Variants in MTOR observed in about 807,000 individuals in gnomAD.
MTOR encodes mechanistic target of rapamycin kinase.
In MTOR, 70 loss-of-function variants were observed where a neutral mutation model predicts 319.8. That is an observed-to-expected ratio of 0.22 (90% CI 0.18 to 0.27). MTOR has a LOEUF of 0.27. Among genes scored for constraint, MTOR ranks in the 10% least tolerant of loss-of-function variants. The pLI is 1.00. For synonymous variants in MTOR, 1,183 were observed against 1,211.4 expected (o/e 0.98, Z 0.49); for missense variants, 1,890 against 3,274.4 (o/e 0.58, Z 10.32).
chr1:11,134,758 A>G (rs906153005), intron 36 of MTOR, among the ~76,000 whole-genome samples: 3 of 152,250 alleles, frequency 2.0e-5, no homozygotes, highest in African/African-American at 7.2e-5. Context: ...CCAAATAAAA[A>G]TTCCTACAAA....
intron 26 of MTOR, among the ~76,000 whole-genome samples, chr1:11,203,518 T>C (rs1213073922): frequency 6.6e-6 from 1 of 151,540 alleles, no homozygotes; most frequent in Non-Finnish European, 1.5e-5. Context: ...TTACTAAAAA[T>C]ACAAAATTAG....
Position 11,109,554 on chromosome 1 carries a change from T to C in MTOR, c.7447+95A>G. The stretch of plus-strand genomic sequence containing the variant: ...CCTTTTCTGCTCAAAGGCAGTTTTG[T>C]TGCTTCATCTTGTTGACCCCTCTCA... On this transcript the variant is annotated intron_variant, in intron 55 of 57. Transcript: ENST00000361445. This position sits in a 1 kb window ranked among gnomAD's most constrained non-coding sequence, Gnocchi z 4.0. The C allele has an allele frequency of 7.5e-7, 1 of 1,341,484 alleles. No homozygotes were observed. The highest frequency in any genetic ancestry group is 1.1e-6 in the Non-Finnish European group (1 of 941,068). 83.1% of individuals were successfully genotyped at this position (1,341,484 alleles called of 1,614,324 possible). A position where few individuals can be genotyped will look rare whatever the true frequency, so the allele number is the denominator to read the frequency against.
Position 11,212,918 on chromosome 1 carries a change from G to A in MTOR, c.3286-10C>T, listed in dbSNP as rs1376485532. 6.2e-7 allele frequency: 1 copy of A among 1,609,546 alleles called. No individual in the cohort carries two copies. The highest frequency in any genetic ancestry group is 1.3e-5 in the African/African-American group (1 of 74,816). ...GGATTGCAGCCAGTAACTGCAAAAG[G>A]GAGCAAAAGCATGGTGATGAATAGT... On this transcript the variant is annotated splice_polypyrimidine_tract_variant and intron_variant, in intron 21 of 57. Coordinates refer to ENST00000361445, the MANE Select transcript of MTOR (RefSeq NM_004958.4). The surrounding 1 kb of genome is among the most constrained non-coding windows in gnomAD (Gnocchi z 4.1).
At chr1:11,107,639 G>T in intron 57 of MTOR, 139 bp from the exon 58 acceptor site, 1 of 869,080 alleles carries the variant, frequency 1.2e-6, no homozygotes, top group Non-Finnish European at 1.7e-6. Context: ...AATTGCATGG[G>T]ACACACTCAT....
chr1:11,199,735 C>T lies in MTOR; in HGVS notation c.3945-32G>A. ...GCAGAGAAGGTGGAAAATGGAGAGACCTCCCGTGCCTCTGCCTGCTGCCTC... is the reference window on the plus strand; with the variant it reads ...GCAGAGAAGGTGGAAAATGGAGAGATCTCCCGTGCCTCTGCCTGCTGCCTC... On this transcript the variant is annotated intron_variant, in intron 26 of 57. Coordinates refer to ENST00000361445, the MANE Select transcript of MTOR (RefSeq NM_004958.4). The surrounding 1 kb of genome is among the most constrained non-coding windows in gnomAD (Gnocchi z 4.5). 1 of 1,609,798 alleles carries T rather than the reference C, an allele frequency of 6.2e-7. No homozygotes were observed.
chr1:11,160,662 G>A (rs1342995242), intron 29 of MTOR, among the ~76,000 whole-genome samples: 1 of 152,194 alleles, frequency 6.6e-6, no homozygotes, highest in Non-Finnish European at 1.5e-5. Flanking sequence ...CCACTTCATA[G>A]CATTGTTGTG....
intron 38 of MTOR, chr1:11,131,145 T>C (rs1370106591): frequency 7.7e-6 from 2 of 258,158 alleles, no homozygotes; most frequent in African/African-American, 4.5e-5. Context: ...TGGAAAGCTT[T>C]GTCAAGAAGA....
In MTOR at chr1:11,109,944, A is replaced by G. The variant is rs1485248957; in HGVS notation, c.7367-215T>C. 6.6e-6 allele frequency among the ~76,000 whole-genome samples: 1 copy of G among 151,956 alleles called. No individual in the cohort carries two copies. Among genetic ancestry groups the G allele is most frequent in the Non-Finnish European group, 1.5e-5 (1 of 67,984 alleles). On this transcript the variant is annotated intron_variant, in intron 54 of 57. Transcript: ENST00000361445. The surrounding 1 kb of genome is among the most constrained non-coding windows in gnomAD (Gnocchi z 4.0). ...TCAGCTACTCAAGAGGCTGAGGTGG[A>G]AGGATCACTTGAGTAGCTGAGTTCA... is the stretch of plus-strand genomic sequence containing the variant.
intron 30 of MTOR, among the ~76,000 whole-genome samples, chr1:11,153,117 T>G (rs185317657): frequency 6.6e-6 from 1 of 152,192 alleles, no homozygotes; most frequent in Non-Finnish European, 1.5e-5. Flanking sequence ...TCTCTTCCAA[T>G]GTATCCAATC....
Position 11,107,077 on chromosome 1 carries a change from G to T in MTOR, c.*408C>A. On this transcript the variant is annotated 3_prime_UTR_variant, in exon 58 of 58. Transcript: ENST00000361445. ...CTAATCCATGTTCTCCACGACCTGA[G>T]GCTTCTTGGCTGTGCTGAGTTTGCT... is the stretch of plus-strand genomic sequence containing the variant. The T allele has an allele frequency of 7.3e-7, 1 of 1,373,184 alleles. No homozygotes were observed. Among genetic ancestry groups the T allele is most frequent in the Non-Finnish European group, 9.6e-7 (1 of 1,040,612 alleles). The allele number at this position is 1,373,184 out of a possible 1,614,324, so 85.1% of individuals were successfully genotyped here.
At chr1:11,255,067 T>A (rs1325169084) in intron 5 of MTOR, among the ~76,000 whole-genome samples, 2 of 152,182 alleles carry the variant, frequency 1.3e-5, no homozygotes, top group African/African-American at 4.8e-5. Flanking sequence ...TGAGATGTCT[T>A]ATAATTAATT....
In MTOR at chr1:11,188,384, T is replaced by C. The variant is rs189611562; in HGVS notation, c.4253+10874A>G. Among the ~76,000 whole-genome samples, 5 of 152,278 alleles carry C rather than the reference T, an allele frequency of 3.3e-5. No homozygotes were observed. The East Asian group carries it at 7.7e-4, about 23-fold the overall frequency. On this transcript the variant is annotated intron_variant, in intron 28 of 57. Transcript: ENST00000361445. ...TTTTAGATACAAAGTCATATACAAA[T>C]AGAGGAGGAATAATTTCAAATTGCA...
chr1:11,258,601 A>G lies in MTOR; in HGVS notation c.163-8T>C, dbSNP rs567412138. On this transcript the variant is annotated splice_polypyrimidine_tract_variant and splice_region_variant and intron_variant, in intron 2 of 57. Coordinates refer to ENST00000361445, the MANE Select transcript of MTOR (RefSeq NM_004958.4). ...AGACTCCTCTTGACTCATCTGCAAA[A>G]GAAGATATAATCAGAACAATTTCTA... 110 of 1,596,936 alleles carry G rather than the reference A, an allele frequency of 6.9e-5. 4 individuals carry two copies. The South Asian group carries it at 1.2e-3, about 17-fold the overall frequency.
chr1:11,147,562 A>G (rs1643976426), intron 31 of MTOR, among the ~76,000 whole-genome samples: 1 of 152,234 alleles, frequency 6.6e-6, no homozygotes, highest in South Asian at 2.1e-4. Context: ...ACTCCAGACC[A>G]TCGGCTCATC....
intron 28 of MTOR, among the ~76,000 whole-genome samples, chr1:11,182,578 G>A (rs893771327): frequency 3.9e-5 from 6 of 152,270 alleles, no homozygotes; most frequent in Admixed American, 3.3e-4. Flanking sequence ...AGACATCTTT[G>A]TAATTACCAC....
chr1:11,233,532 C>T (rs779312439), intron 14 of MTOR, 45 bp from the exon 15 acceptor site: 2 of 1,449,314 alleles, frequency 1.4e-6, no homozygotes, highest in African/African-American at 1.4e-5. Context: ...TTAGACTCTA[C>T]TAGAAACCTT....
chr1:11,123,527 G>A (rs372251856), intron 47 of MTOR, among the ~76,000 whole-genome samples: 1 of 151,678 alleles, frequency 6.6e-6, no homozygotes, highest in Non-Finnish European at 1.5e-5. Context: ...AGAGTGTAGA[G>A]GCACAACCTT....
chr1:11,164,822 C>T lies in MTOR; in HGVS notation c.4329+2620G>A, dbSNP rs535753726. The stretch of plus-strand genomic sequence containing the variant: ...ACAAGAGAATTTTAGACCAATATCC[C>T]TGATGAACATTGATGCAAAAATCCT... On this transcript the variant is annotated intron_variant, in intron 29 of 57. Coordinates refer to ENST00000361445, the MANE Select transcript of MTOR (RefSeq NM_004958.4). Among the ~76,000 whole-genome samples the T allele has an allele frequency of 1.2e-4, 19 of 152,278 alleles. No homozygotes were observed. The East Asian group carries it at 2.7e-3, about 22-fold the overall frequency.
At chr1:11,248,591 C>G (rs567378937) in intron 6 of MTOR, among the ~76,000 whole-genome samples, 1 of 152,272 alleles carries the variant, frequency 6.6e-6, no homozygotes, top group South Asian at 2.1e-4. Flanking sequence ...GTGGGCAGAT[C>G]ACCTGAGGTC....
Sources: allele counts gnomAD v4.1 joint callset (sites outside exome capture counted in the v4.1 genomes callset), GRCh38; gene constraint gnomAD v4.1.1; non-coding constraint Gnocchi (gnomAD v3.1); transcripts MANE v1.5; gene names NCBI Gene and HGNC (gene_info 2026-07-23, HGNC 2026-07-21).